TULP4: variants seen among roughly 807,000 people sequenced by gnomAD.
TULP4 encodes the protein tubby-related protein 4.
TULP4 carries 16 observed loss-of-function variants against 129.0 expected under a neutral mutation model. That is an observed-to-expected ratio of 0.12 (90% CI 0.08 to 0.19). TULP4 has a LOEUF of 0.19. Ranked by LOEUF, TULP4 falls within the 10% of genes least tolerant of loss-of-function variation. The probability of loss-of-function intolerance (pLI) is 1.00; values close to 1 mark genes in which losing one functional copy is unlikely to be tolerated. For synonymous variants in TULP4, 998 were observed against 854.0 expected, an observed-to-expected ratio of 1.17 and a Z score of -2.94; for missense variants, 1,842 against 2,059.1, an observed-to-expected ratio of 0.89 and a Z score of 2.04.
chr6:158,394,645 G>C (rs1777662479), intron 1 of TULP4, among the ~76,000 whole-genome samples: 1 of 151,714 alleles, frequency 6.6e-6, no homozygotes, highest in Admixed American at 6.6e-5. Context: ...AAATTAGCCG[G>C]ACGTGGTGGC....
intron 1 of TULP4, among the ~76,000 whole-genome samples, chr6:158,408,138 T>A (rs1227210866): frequency 6.6e-6 from 1 of 152,138 alleles, no homozygotes; most frequent in Non-Finnish European, 1.5e-5. Context: ...TGTGGAACAT[T>A]TGTGTGACGG....
chr6:158,443,128 C>CGT (rs1562567888), intron 3 of TULP4, among the ~76,000 whole-genome samples: 1 of 152,150 alleles, frequency 6.6e-6, no homozygotes, highest in East Asian at 1.9e-4. Flanking sequence ...GGACTACAGG[C>CGT]GTGCACCACC....
At chr6:158,444,219 C>CAAA (rs71030171) in intron 3 of TULP4, among the ~76,000 whole-genome samples, 1,381 of 34,002 alleles carry the variant, frequency 0.041, 199 homozygotes, top group South Asian at 0.044. Context: ...GACTCTGTCT[C>CAAA]AAAAAAAAAA....
In TULP4 at chr6:158,313,726, A is replaced by G. The variant is rs1034791736; in HGVS notation, c.-291A>G. On this transcript the variant is annotated 5_prime_UTR_variant, in exon 1 of 14. Transcript: ENST00000367097. ...AACGATGCTCTTTCTCCAAAGGATCAGCACGTTCTTCCTCTGAGAACTTGA... is the reference window on the plus strand; with the variant it reads ...AACGATGCTCTTTCTCCAAAGGATCGGCACGTTCTTCCTCTGAGAACTTGA... The G allele has an allele frequency of 2.0e-6, 1 of 497,392 alleles. No individual in the cohort carries two copies. The allele number at this position is 497,392 out of a possible 1,614,324, so 30.8% of individuals were successfully genotyped here. A position where few individuals can be genotyped will look rare whatever the true frequency, so the allele number is the denominator to read the frequency against.
chr6:158,363,052 G>C (rs1004648206), intron 1 of TULP4, among the ~76,000 whole-genome samples: 1 of 105,188 alleles, frequency 9.5e-6, no homozygotes, highest in Non-Finnish European at 1.7e-5. Context: ...GACAGAGCGA[G>C]ACTCCATCTC....
At chr6:158,330,626 A>C (rs1461835774) in intron 1 of TULP4, among the ~76,000 whole-genome samples, 1 of 152,234 alleles carries the variant, frequency 6.6e-6, no homozygotes, top group African/African-American at 2.4e-5. Flanking sequence ...TAGTACAGTT[A>C]GTTATCAACT....
At chr6:158,347,281 A>C (rs893128169) in intron 1 of TULP4, among the ~76,000 whole-genome samples, 1 of 152,234 alleles carries the variant, frequency 6.6e-6, no homozygotes, top group African/African-American at 2.4e-5. Context: ...GAACCTTTTC[A>C]TTTAACAGTA....
chr6:158,352,955 T>G lies in TULP4; in HGVS notation c.252+38687T>G, dbSNP rs182614200. Among the ~76,000 whole-genome samples, 429 of 152,342 alleles carry G rather than the reference T, an allele frequency of 2.8e-3. 4 individuals are homozygous for G. Among genetic ancestry groups the G allele is most frequent in the Non-Finnish European group, 4.6e-3 (315 of 68,030 alleles). ...TGAGTTTTTGCTCTCAAAATATTCT[T>G]TCGTATTTGTGTCTACTTAATTTTT... is the stretch of plus-strand genomic sequence containing the variant. On this transcript the variant is annotated intron_variant, in intron 1 of 13. Transcript: ENST00000367097.
chr6:158,504,166 A>G lies in TULP4; in HGVS notation c.4503A>G (p.Leu1501=), dbSNP rs972164995. The G allele has an allele frequency of 1.3e-6, 2 of 1,590,892 alleles. No individual in the cohort carries two copies. Among genetic ancestry groups the G allele is most frequent in the African/African-American group, 2.7e-5 (2 of 74,682 alleles). ...CCGCCAAGAACTTCCAGATTGAGTTAGAGGGGCGGCAGGTAAGACCTCAGA... is the reference window on the plus strand; with the variant it reads ...CCGCCAAGAACTTCCAGATTGAGTTGGAGGGGCGGCAGGTAAGACCTCAGA... The part of the protein sequence containing the change: ...QESAKNFQIE[L]EGRQVMQFGR... The change falls in exon 13 of 14, where the codon TTA becomes TTG. Residue 1501 remains leucine (L), a synonymous_variant. Transcript: ENST00000367097.
intron 1 of TULP4, among the ~76,000 whole-genome samples, chr6:158,342,566 G>C (rs1209055677): frequency 6.6e-6 from 1 of 152,152 alleles, no homozygotes; most frequent in Non-Finnish European, 1.5e-5. Context: ...AGAATAATGA[G>C]ACAACTAATG....
intron 1 of TULP4, among the ~76,000 whole-genome samples, chr6:158,258,614 G>C (rs917122562): frequency 2.6e-5 from 4 of 152,150 alleles, no homozygotes; most frequent in Non-Finnish European, 4.4e-5. Context: ...TTAACAAATA[G>C]GAAAGGACCT....
chr6:158,348,523 CAGA>C (rs1780374511), intron 1 of TULP4, among the ~76,000 whole-genome samples: 2 of 152,322 alleles, frequency 1.3e-5, no homozygotes, highest in East Asian at 1.9e-4. Context: ...CATCCCAAGG[CAGA>C]AGAACATTTC....
rs1191767880 is a variant in TULP4, at chr6:158,459,130, C to T, written c.860-2433C>T. Reference sequence around the variant, plus strand: ...CAGTCATCTCATTATAACTTTGCACCTGCATTAGAAGAAGTCCTGGCCGGG... The same window carrying T: ...CAGTCATCTCATTATAACTTTGCACTTGCATTAGAAGAAGTCCTGGCCGGG... On this transcript the variant is annotated intron_variant, in intron 5 of 13. Coordinates refer to ENST00000367097, the MANE Select transcript of TULP4 (RefSeq NM_020245.5). Among the ~76,000 whole-genome samples the T allele has an allele frequency of 2.0e-5, 3 of 152,132 alleles. No homozygotes were observed. The East Asian group carries it at 5.8e-4, about 29-fold the overall frequency.
intron 13 of TULP4, among the ~76,000 whole-genome samples, 194 bp downstream of exon 13, chr6:158,504,372 C>T (rs994223507): frequency 3.3e-5 from 5 of 151,496 alleles, no homozygotes; most frequent in African/African-American, 4.9e-5. Context: ...TTTTTGAGAC[C>T]GTCTCGCTCT....
At chr6:158,328,799 C>T (rs959654886) in intron 1 of TULP4, among the ~76,000 whole-genome samples, 26 of 152,234 alleles carry the variant, frequency 1.7e-4, no homozygotes, top group African/African-American at 6.0e-4. Context: ...TTCATCTTCC[C>T]GCCTCGCAAG....
At chr6:158,239,347 G>C (rs1777801923) in intron 1 of TULP4, among the ~76,000 whole-genome samples, 1 of 64,572 alleles carries the variant, frequency 1.5e-5, no homozygotes, top group Non-Finnish European at 3.5e-5. Flanking sequence ...CGGGGCGGCT[G>C]GCCGGGCAGG....
rs147229775 is a variant in TULP4, at chr6:158,511,185, G to A, written c.*4491G>A. 8.5e-5 allele frequency: 13 copies of A among 152,628 alleles called. No individual in the cohort carries two copies. The highest frequency in any genetic ancestry group is 7.8e-4 in the Admixed American group (12 of 15,302). 9.5% of individuals were successfully genotyped at this position (152,628 alleles called of 1,614,324 possible). ...TTTACAGTTCTTTTTAAGGGGAGGG[G>A]TAGGGTTCTAAGATCTTGTTGTTTA... On this transcript the variant is annotated 3_prime_UTR_variant, in exon 14 of 14. Coordinates refer to ENST00000367097, the MANE Select transcript of TULP4 (RefSeq NM_020245.5).
chr6:158,273,271 T>TC, intron 1 of TULP4, among the ~76,000 whole-genome samples: 1 of 152,248 alleles, frequency 6.6e-6, no homozygotes, highest in Non-Finnish European at 1.5e-5. Flanking sequence ...GTGTTGAGAC[T>TC]CCCCTCTCTG....
In TULP4 at chr6:158,395,719, T is replaced by C. The variant is rs532757243; in HGVS notation, c.253-17346T>C. 3.3e-5 allele frequency among the ~76,000 whole-genome samples: 5 copies of C among 150,196 alleles called. No homozygotes were observed. The South Asian group carries it at 1.1e-3, about 32-fold the overall frequency. On this transcript the variant is annotated intron_variant, in intron 1 of 13. Coordinates refer to ENST00000367097, the MANE Select transcript of TULP4 (RefSeq NM_020245.5). Reference sequence around the variant, plus strand: ...CTGGGATGGACTAGGGGTCACTGTTTCTGTTGTGGAAGCCAAGAGTGGGAA... The same window carrying C: ...CTGGGATGGACTAGGGGTCACTGTTCCTGTTGTGGAAGCCAAGAGTGGGAA...
Sources: gnomAD v4.1 joint callset for allele counts (sites outside exome capture counted in the v4.1 genomes callset) on GRCh38, gnomAD v4.1.1 for gene constraint, MANE v1.5 for transcripts, NCBI Gene and HGNC (gene_info 2026-07-23, HGNC 2026-07-21) for gene names.